Variants in IQGAP1 observed in about 807,000 individuals in gnomAD.
IQGAP1 encodes the protein ras GTPase-activating-like protein IQGAP1.
Under a neutral mutation model 215.6 loss-of-function variants are expected in IQGAP1, and 66 were observed. The ratio of observed to expected loss-of-function variants is 0.31; its 90% CI spans 0.25 to 0.38. The LOEUF (loss-of-function observed/expected upper bound fraction) is 0.38, where lower values mean the gene tolerates loss of function less well. Ranked by LOEUF, IQGAP1 falls within the 10% of genes least tolerant of loss-of-function variation. The probability of loss-of-function intolerance (pLI) is 1.00; values close to 1 mark genes in which losing one functional copy is unlikely to be tolerated. For synonymous variants in IQGAP1, 772 were observed against 728.7 expected (o/e 1.06, Z -0.96); for missense variants, 1,712 against 1,997.1 (o/e 0.86, Z 2.72).
At chr15:90,486,839 G>T (rs372103397) in intron 31 of IQGAP1, 115 bp from the exon 32 acceptor site, 6 of 1,035,546 alleles carry the variant, frequency 5.8e-6, no homozygotes, top group East Asian at 2.4e-5. Context: ...CACACTGTAT[G>T]TGTTAGGTGA....
At chr15:90,390,898 A>G in intron 2 of IQGAP1, 25 bp downstream of exon 2, 1 of 1,353,024 alleles carries the variant, frequency 7.4e-7, no homozygotes, top group Non-Finnish European at 1.1e-6. Flanking sequence ...GCTGGAGAGA[A>G]GATTAAGAGA....
At chr15:90,421,229 A>G (rs946789831) in intron 2 of IQGAP1, among the ~76,000 whole-genome samples, 2 of 152,134 alleles carry the variant, frequency 1.3e-5, no homozygotes. Flanking sequence ...TAATCCCAGC[A>G]CTTTGGGAGG....
In IQGAP1 at chr15:90,456,199, G is replaced by A; in HGVS notation, c.1660G>A (p.Ala554Thr). 1 of 1,614,092 alleles carries A rather than the reference G, an allele frequency of 6.2e-7. No individual in the cohort carries two copies. The highest frequency in any genetic ancestry group is 8.5e-7 in the Non-Finnish European group (1 of 1,179,984). The stretch of plus-strand genomic sequence containing the variant: ...TAATGAAGCCCTGGATGAAGGTGAT[G>A]CCCAAAAGACTCTGCAGGCCCTACA... ...LINEALDEGD[A>T]QKTLQALQIP... Residue 554 changes from alanine (A) to threonine (T), a missense_variant, in exon 15 of 38, where the codon GCC (alanine) becomes ACC (threonine). Transcript: ENST00000268182.
At chr15:90,406,293 C>G (rs1964876872) in intron 2 of IQGAP1, among the ~76,000 whole-genome samples, 1 of 152,170 alleles carries the variant, frequency 6.6e-6, no homozygotes, top group South Asian at 2.1e-4. Flanking sequence ...TGGACAGGGT[C>G]ACCAGATTGG....
chr15:90,423,848 G>A (rs926908127), intron 2 of IQGAP1, among the ~76,000 whole-genome samples: 2 of 152,150 alleles, frequency 1.3e-5, no homozygotes, highest in Non-Finnish European at 2.9e-5. Flanking sequence ...GAAATATAAA[G>A]AATGCTGGGA....
intron 17 of IQGAP1, 54 bp downstream of exon 17, chr15:90,466,490 GGGGA>G: frequency 9.3e-6 from 13 of 1,401,426 alleles, no homozygotes; most frequent in Non-Finnish European, 1.3e-5. Context: ...GAGTATATGA[GGGGA>G]CAGATGTAGA....
At chr15:90,395,214 A>T (rs986796796) in intron 2 of IQGAP1, among the ~76,000 whole-genome samples, 3 of 152,194 alleles carry the variant, frequency 2.0e-5, no homozygotes, top group Non-Finnish European at 2.9e-5. Context: ...TAGATCAAGG[A>T]TACATCTTAA....
intron 11 of IQGAP1, among the ~76,000 whole-genome samples, chr15:90,450,720 T>C (rs567813438): frequency 3.9e-5 from 6 of 152,218 alleles, no homozygotes; most frequent in African/African-American, 1.4e-4. Flanking sequence ...CATTTTTTCA[T>C]ATACCTGTTG....
chr15:90,406,677 CGTCAGTGATGT>C (rs1567115688), intron 2 of IQGAP1, among the ~76,000 whole-genome samples: 3 of 152,100 alleles, frequency 2.0e-5, no homozygotes, highest in African/African-American at 4.8e-5. Flanking sequence ...CTTACTAGGG[CGTCAGTGATGT>C]GTCAGTGAAG....
intron 19 of IQGAP1, among the ~76,000 whole-genome samples, chr15:90,473,276 G>T (rs1447667448): frequency 6.6e-6 from 1 of 152,156 alleles, no homozygotes; most frequent in South Asian, 2.1e-4. Flanking sequence ...AACCTTGAGG[G>T]AAACAACTGT....
chr15:90,451,419 C>T (rs777819891), intron 11 of IQGAP1, among the ~76,000 whole-genome samples: 6 of 152,246 alleles, frequency 3.9e-5, no homozygotes, highest in South Asian at 4.1e-4. Context: ...GACTGATCCC[C>T]GGGGTAGTGA....
At chr15:90,453,846 A>G (rs1965642213) in intron 13 of IQGAP1, among the ~76,000 whole-genome samples, 1 of 152,172 alleles carries the variant, frequency 6.6e-6, no homozygotes. Flanking sequence ...AACATTTTTG[A>G]TGATGTGTAT....
chr15:90,442,086 T>C (rs1007196482), intron 8 of IQGAP1, among the ~76,000 whole-genome samples: 2 of 152,220 alleles, frequency 1.3e-5, no homozygotes, highest in Non-Finnish European at 1.5e-5. Context: ...AAATTAATAG[T>C]GCCCTTTGGA....
chr15:90,421,162 C>A (rs1965129778), intron 2 of IQGAP1, among the ~76,000 whole-genome samples: 2 of 150,546 alleles, frequency 1.3e-5, no homozygotes, highest in South Asian at 4.2e-4. Context: ...TTAATAAAGT[C>A]TTCATAAAGC....
chr15:90,403,162 G>C (rs1471465672), intron 2 of IQGAP1, among the ~76,000 whole-genome samples: 1 of 152,118 alleles, frequency 6.6e-6, no homozygotes, highest in Non-Finnish European at 1.5e-5. Flanking sequence ...TGTAGTTCCA[G>C]CTACTCGGGA....
rs576765880 is a variant in IQGAP1 at position 90,483,689 on chromosome 15, G to A, written c.3788+96G>A. 45 of 840,710 alleles carry A rather than the reference G, an allele frequency of 5.4e-5. 1 individual carries two copies. Among genetic ancestry groups the A allele is most frequent in the African/African-American group, 4.7e-4 (28 of 59,474 alleles). The allele number at this position is 840,710 out of a possible 1,614,324, so 52.1% of individuals were successfully genotyped here. Reference sequence around the variant, plus strand: ...TTAAAAACCACCTCTCACTTTCCCCGGACTGCCATATGTAGAAGACGTGTT... The same window carrying A: ...TTAAAAACCACCTCTCACTTTCCCCAGACTGCCATATGTAGAAGACGTGTT... On this transcript the variant is annotated intron_variant, in intron 29 of 37. Transcript: ENST00000268182.
intron 2 of IQGAP1, among the ~76,000 whole-genome samples, chr15:90,401,968 C>T (rs1354208057): frequency 6.6e-6 from 1 of 152,166 alleles, no homozygotes; most frequent in Non-Finnish European, 1.5e-5. Flanking sequence ...TATTGGAATT[C>T]AAGCCCAGGT....
chr15:90,466,481 A>T, intron 17 of IQGAP1, 45 bp downstream of exon 17: 2 of 1,583,868 alleles, frequency 1.3e-6, no homozygotes, highest in Non-Finnish European at 1.7e-6. Flanking sequence ...CTAACCCTTG[A>T]GTATATGAGG....
At chr15:90,409,279 T>A in intron 2 of IQGAP1, among the ~76,000 whole-genome samples, 1 of 141,110 alleles carries the variant, frequency 7.1e-6, no homozygotes, top group Non-Finnish European at 1.5e-5. Context: ...GCTCTATCAC[T>A]CAGGCTGGAG....
Sources: gnomAD v4.1 joint callset for allele counts (sites outside exome capture counted in the v4.1 genomes callset) on GRCh38, gnomAD v4.1.1 for gene constraint, MANE v1.5 for transcripts, NCBI Gene and HGNC (gene_info 2026-07-23, HGNC 2026-07-21) for gene names.